Variants in CNTN5 observed in about 807,000 individuals in gnomAD.
CNTN5 encodes the protein contactin 5.
In CNTN5, 77 loss-of-function variants were observed where a neutral mutation model predicts 129.1. The ratio of observed to expected loss-of-function variants is 0.60; its 90% CI spans 0.50 to 0.72. CNTN5 has a LOEUF of 0.72. CNTN5 is among the 30% of genes least tolerant of loss of function. The pLI is 0.00. For synonymous variants in CNTN5, 509 were observed against 465.6 expected, an observed-to-expected ratio of 1.09 and a Z score of -1.20; for missense variants, 1,478 against 1,328.8, an observed-to-expected ratio of 1.11 and a Z score of -1.75.
rs182133614 is a variant in CNTN5 at position 100,035,014 on chromosome 11, G to A, written c.981-26198G>A. 3.5e-4 allele frequency among the ~76,000 whole-genome samples: 53 copies of A among 151,638 alleles called. No homozygotes were observed. In the East Asian group the frequency reaches 5.7e-3, roughly 16 times the overall value. On this transcript the variant is annotated intron_variant, in intron 9 of 24. Transcript: ENST00000524871. Reference sequence around the variant, plus strand: ...ACTTTAAGTTTTAGGGTACATGTGCGCAACGTGCAGGTTTGTTACATATGG... The same window carrying A: ...ACTTTAAGTTTTAGGGTACATGTGCACAACGTGCAGGTTTGTTACATATGG...
rs118117949 is a variant in CNTN5, at chr11:100,315,214, A to G, written c.2730+6746A>G. ...CCCTGGTAGCATTTGTCAGTAATCT[A>G]CTTACACTTGGCATTTTGGCCTTTC... On this transcript the variant is annotated intron_variant, in intron 21 of 24. Transcript: ENST00000524871. 3.5e-3 allele frequency among the ~76,000 whole-genome samples: 537 copies of G among 152,288 alleles called. 3 individuals carry two copies. Among genetic ancestry groups the G allele is most frequent in the Non-Finnish European group, 5.8e-3 (397 of 68,030 alleles).
intron 1 of CNTN5, among the ~76,000 whole-genome samples, chr11:99,139,319 G>T (rs1859400992): frequency 1.3e-5 from 2 of 152,160 alleles, no homozygotes; most frequent in African/African-American, 2.4e-5. Context: ...CTAAAGAACA[G>T]ATGTGGCTTT....
At chr11:99,783,877 G>T (rs560317755) in intron 3 of CNTN5, among the ~76,000 whole-genome samples, 58 of 151,564 alleles carry the variant, frequency 3.8e-4, no homozygotes, top group African/African-American at 1.4e-3. Context: ...GCTAGATGAC[G>T]AGTTAGTGGG....
chr11:99,492,648 C>T (rs1946080501), intron 2 of CNTN5, among the ~76,000 whole-genome samples: 1 of 152,008 alleles, frequency 6.6e-6, no homozygotes, highest in Non-Finnish European at 1.5e-5. Flanking sequence ...AGGGTCATTG[C>T]TGAGACCCCT....
intron 13 of CNTN5, among the ~76,000 whole-genome samples, chr11:100,175,032 A>T (rs968128949): frequency 1.3e-5 from 2 of 152,106 alleles, no homozygotes; most frequent in African/African-American, 4.8e-5. Context: ...GTTAAAGAGT[A>T]TGAATTTCTT....
chr11:99,974,694 A>G (rs1388455985), intron 8 of CNTN5, among the ~76,000 whole-genome samples: 1 of 152,194 alleles, frequency 6.6e-6, no homozygotes, highest in Non-Finnish European at 1.5e-5. Context: ...TCTATAGGGA[A>G]TGTAAGGTTG....
chr11:99,684,984 T>C (rs12285106), intron 3 of CNTN5, among the ~76,000 whole-genome samples: 1 of 151,052 alleles, frequency 6.6e-6, no homozygotes, highest in African/African-American at 2.4e-5. Flanking sequence ...TAGTTTATTA[T>C]TTTTGTAATT....
chr11:99,361,140 A>T (rs896188792), intron 2 of CNTN5, among the ~76,000 whole-genome samples: 3 of 152,142 alleles, frequency 2.0e-5, no homozygotes, highest in Non-Finnish European at 4.4e-5. Flanking sequence ...AATGGCCTTT[A>T]CCATCCATAT....
chr11:100,268,177 T>C (rs1944160), intron 17 of CNTN5, among the ~76,000 whole-genome samples: 1 of 152,040 alleles, frequency 6.6e-6, no homozygotes, highest in South Asian at 2.1e-4. Context: ...AAGAGTTCCA[T>C]TTGAGACACA....
chr11:99,872,213 T>C (rs1450803778), intron 6 of CNTN5, among the ~76,000 whole-genome samples: 3 of 152,026 alleles, frequency 2.0e-5, no homozygotes, highest in East Asian at 1.9e-4. Context: ...ATCACAAAAT[T>C]AACACATTAA....
intron 2 of CNTN5, among the ~76,000 whole-genome samples, chr11:99,474,912 G>A (rs1258039951): frequency 6.6e-6 from 1 of 152,132 alleles, no homozygotes; most frequent in East Asian, 1.9e-4. Flanking sequence ...TCTCTTAGAT[G>A]TCTACTATCA....
intron 4 of CNTN5, among the ~76,000 whole-genome samples, chr11:99,839,412 T>C (rs947621151): frequency 2.0e-5 from 3 of 151,786 alleles, no homozygotes; most frequent in Non-Finnish European, 2.9e-5. Flanking sequence ...ACAAGCGTTT[T>C]ATATATATAT....
chr11:100,027,403 C>A (rs1033749390), intron 9 of CNTN5, among the ~76,000 whole-genome samples: 3 of 152,096 alleles, frequency 2.0e-5, no homozygotes, highest in Admixed American at 6.5e-5. Context: ...AATTTTTCCC[C>A]ACTGTTAAGG....
intron 7 of CNTN5, among the ~76,000 whole-genome samples, chr11:99,950,024 C>T (rs1002180315): frequency 2.0e-5 from 3 of 152,116 alleles, no homozygotes; most frequent in Admixed American, 1.3e-4. Flanking sequence ...AAATACTTGT[C>T]TCCAAAGCAT....
chr11:99,035,870 G>A (rs1249302069), intron 1 of CNTN5, among the ~76,000 whole-genome samples: 4 of 151,456 alleles, frequency 2.6e-5, no homozygotes, highest in Admixed American at 1.3e-4. Flanking sequence ...TAGTCTCGAT[G>A]GTCTTTACAT....
intron 3 of CNTN5, among the ~76,000 whole-genome samples, chr11:99,759,025 T>C (rs1020622656): frequency 2.6e-5 from 4 of 152,110 alleles, no homozygotes; most frequent in Admixed American, 6.6e-5. Context: ...TTAACACTTA[T>C]ACTAGCTTTC....
At chr11:99,735,491 G>T (rs1389161972) in intron 3 of CNTN5, among the ~76,000 whole-genome samples, 1 of 151,922 alleles carries the variant, frequency 6.6e-6, no homozygotes, top group Non-Finnish European at 1.5e-5. Context: ...AATGAAGATT[G>T]AATTTATTGA....
intron 2 of CNTN5, among the ~76,000 whole-genome samples, chr11:99,513,243 G>A: frequency 6.6e-6 from 1 of 152,184 alleles, no homozygotes. Flanking sequence ...AGTTGAGGAA[G>A]CTGCAAAAGC....
At chr11:100,124,660 T>C (rs1269038325) in intron 13 of CNTN5, among the ~76,000 whole-genome samples, 1 of 152,040 alleles carries the variant, frequency 6.6e-6, no homozygotes, top group Non-Finnish European at 1.5e-5. Context: ...GTGCTCAGCA[T>C]ACTATCCACA....
Sources: gnomAD v4.1 joint callset for allele counts (sites outside exome capture counted in the v4.1 genomes callset) on GRCh38, gnomAD v4.1.1 for gene constraint, MANE v1.5 for transcripts, NCBI Gene and HGNC (gene_info 2026-07-23, HGNC 2026-07-21) for gene names.